Variants in MKLN1 observed in about 807,000 individuals in gnomAD.
MKLN1 encodes the protein muskelin 1.
Under a neutral mutation model 99.0 loss-of-function variants are expected in MKLN1, and 18 were observed. The observed-to-expected ratio is 0.18, with a 90% CI of 0.13 to 0.27. The LOEUF (loss-of-function observed/expected upper bound fraction) is 0.27. MKLN1 is among the 10% of genes least tolerant of loss of function. MKLN1 has a pLI of 1.00. For synonymous variants in MKLN1, 288 were observed against 293.2 expected, an observed-to-expected ratio of 0.98 and a Z score of 0.18; for missense variants, 621 against 875.9, an observed-to-expected ratio of 0.71 and a Z score of 3.67.
intron 1 of MKLN1, among the ~76,000 whole-genome samples, chr7:131,339,679 A>G (rs1246562186): frequency 7.5e-6 from 1 of 133,648 alleles, no homozygotes; most frequent in Non-Finnish European, 1.6e-5. Context: ...AGACTGGGTG[A>G]CAGAGGGAGA....
chr7:131,190,056 G>C (rs1260131376), intron 2 of MKLN1, among the ~76,000 whole-genome samples: 1 of 152,068 alleles, frequency 6.6e-6, no homozygotes, highest in Non-Finnish European at 1.5e-5. Flanking sequence ...AATACCTGGT[G>C]GGTTACTTAG....
At chr7:131,248,077 ATTTATTT>A (rs1797522201) in intron 3 of MKLN1, among the ~76,000 whole-genome samples, 3 of 95,838 alleles carry the variant, frequency 3.1e-5, no homozygotes, top group African/African-American at 1.4e-4. Flanking sequence ...TACATTTATT[ATTTATTT>A]ATTTATTTAT....
intron 3 of MKLN1, among the ~76,000 whole-genome samples, chr7:131,225,369 C>T (rs1440476855): frequency 6.6e-6 from 1 of 152,168 alleles, no homozygotes; most frequent in South Asian, 2.1e-4. Context: ...CTAATCCCTG[C>T]TCAGAGGATC....
At chr7:131,181,705 G>A (rs1245067471) in intron 2 of MKLN1, among the ~76,000 whole-genome samples, 1 of 150,884 alleles carries the variant, frequency 6.6e-6, no homozygotes, top group Admixed American at 6.6e-5. Flanking sequence ...TGTCACCCAG[G>A]CTGGAGTCCA....
intron 4 of MKLN1, among the ~76,000 whole-genome samples, chr7:131,393,040 C>G (rs574234440): frequency 3.3e-5 from 5 of 152,148 alleles, no homozygotes; most frequent in African/African-American, 1.2e-4. Context: ...CACCACCACA[C>G]CTGGCTAATT....
At chr7:131,441,629 A>G (rs550052496) in intron 10 of MKLN1, among the ~76,000 whole-genome samples, 2 of 152,326 alleles carry the variant, frequency 1.3e-5, no homozygotes, top group South Asian at 4.1e-4. Flanking sequence ...TGGAAATCGA[A>G]TATTAAAAGG....
At chr7:131,182,831 G>A (rs1796394980) in intron 2 of MKLN1, among the ~76,000 whole-genome samples, 1 of 152,168 alleles carries the variant, frequency 6.6e-6, no homozygotes, top group South Asian at 2.1e-4. Flanking sequence ...TCTTTGCCTA[G>A]GGTATAATTT....
chr7:131,461,835 A>G (rs1343418566), intron 12 of MKLN1, among the ~76,000 whole-genome samples: 1 of 152,176 alleles, frequency 6.6e-6, no homozygotes, highest in Non-Finnish European at 1.5e-5. Context: ...TGTATATGAA[A>G]TTATATTTCA....
chr7:131,459,529 C>T (rs1796451877), intron 12 of MKLN1, among the ~76,000 whole-genome samples: 1 of 152,122 alleles, frequency 6.6e-6, no homozygotes. Context: ...TGAGGCCTTC[C>T]AGTGTTCTTT....
intron 2 of MKLN1, among the ~76,000 whole-genome samples, chr7:131,151,629 A>T (rs539193094): frequency 6.6e-6 from 1 of 152,346 alleles, no homozygotes; most frequent in South Asian, 2.1e-4. Flanking sequence ...AAGTTATTTT[A>T]TTCACTGCAT....
intron 1 of MKLN1, among the ~76,000 whole-genome samples, chr7:131,127,055 C>T (rs1795472093): frequency 6.6e-6 from 1 of 151,856 alleles, no homozygotes; most frequent in Admixed American, 6.6e-5. Flanking sequence ...ATCCCAGCTA[C>T]TCGGGAGGCT....
chr7:131,434,600 C>G (rs766725478), intron 9 of MKLN1, among the ~76,000 whole-genome samples: 1 of 152,082 alleles, frequency 6.6e-6, no homozygotes, highest in Non-Finnish European at 1.5e-5. Flanking sequence ...GTTGCCCATG[C>G]TGGAGTGCAG....
At chr7:131,272,546 GA>G (rs1236850928) in intron 3 of MKLN1, among the ~76,000 whole-genome samples, 1 of 152,198 alleles carries the variant, frequency 6.6e-6, no homozygotes, top group Non-Finnish European at 1.5e-5. Context: ...TGAAGAATAT[GA>G]AGAGGAGAGA....
At chr7:131,409,280 G>T (rs367798620) in intron 6 of MKLN1, among the ~76,000 whole-genome samples, 5 of 152,218 alleles carry the variant, frequency 3.3e-5, no homozygotes, top group Admixed American at 3.3e-4. Context: ...GCAAGCGTTT[G>T]CAAGAATTAG....
intron 2 of MKLN1, among the ~76,000 whole-genome samples, chr7:131,180,673 T>TG (rs1796365514): frequency 6.9e-6 from 1 of 145,774 alleles, no homozygotes; most frequent in Non-Finnish European, 1.5e-5. Context: ...CACTCCAGCC[T>TG]GGGCGACAGA....
At chr7:131,429,521 ACACT>A (rs1795460338) in intron 9 of MKLN1, among the ~76,000 whole-genome samples, 1 of 152,012 alleles carries the variant, frequency 6.6e-6, no homozygotes, top group Non-Finnish European at 1.5e-5. Flanking sequence ...TGTGTTTTTG[ACACT>A]CACTATCTCC....
In MKLN1 at chr7:131,490,732, T is replaced by G. The variant is rs992543369; in HGVS notation, c.*3004T>G. 6.6e-5 allele frequency: 10 copies of G among 152,624 alleles called. No homozygotes were observed. The highest frequency in any genetic ancestry group is 2.4e-4 in the African/African-American group (10 of 41,458). 9.5% of individuals were successfully genotyped at this position (152,624 alleles called of 1,614,324 possible). A position where few individuals can be genotyped will look rare whatever the true frequency, so the allele number is the denominator to read the frequency against. ...AAAGTTTGATGGGTTTAGAGCTCAG[T>G]GATTTAAGCTTGTAAAACTGCATTC... On this transcript the variant is annotated 3_prime_UTR_variant, in exon 18 of 18. Coordinates refer to ENST00000352689, the MANE Select transcript of MKLN1 (RefSeq NM_013255.5).
At chr7:131,210,521 G>C (rs1796884906) in intron 3 of MKLN1, among the ~76,000 whole-genome samples, 1 of 149,894 alleles carries the variant, frequency 6.7e-6, no homozygotes, top group African/African-American at 2.5e-5. Flanking sequence ...GACAGAGTGA[G>C]ACTGTATCTC....
intron 3 of MKLN1, among the ~76,000 whole-genome samples, chr7:131,311,726 A>G (rs1459319838): frequency 6.6e-6 from 1 of 152,200 alleles, no homozygotes; most frequent in Non-Finnish European, 1.5e-5. Context: ...AAAGATTGCA[A>G]AAAGCAAAAC....
Sources: allele counts gnomAD v4.1 joint callset (sites outside exome capture counted in the v4.1 genomes callset), GRCh38; gene constraint gnomAD v4.1.1; transcripts MANE v1.5; gene names NCBI Gene and HGNC (gene_info 2026-07-23, HGNC 2026-07-21).